Variants in CLDN10 observed in about 807,000 individuals in gnomAD.
The protein encoded by CLDN10 is claudin 10.
CLDN10 carries 15 observed loss-of-function variants against 22.9 expected under a neutral mutation model. That is an observed-to-expected ratio of 0.65 (90% CI 0.44 to 1.01). The LOEUF is 1.01. Among genes scored for constraint, CLDN10 ranks in the 50% least tolerant of loss-of-function variants. CLDN10 has a pLI of 0.00. For missense variants in CLDN10, 247 were observed against 287.8 expected, an observed-to-expected ratio of 0.86 and a Z score of 1.03; for synonymous variants, 114 against 111.4, an observed-to-expected ratio of 1.02 and a Z score of -0.15.
At chr13:95,526,767 A>G (rs995932822) in intron 1 of CLDN10, among the ~76,000 whole-genome samples, 1 of 150,854 alleles carries the variant, frequency 6.6e-6, no homozygotes, top group African/African-American at 2.4e-5. Flanking sequence ...AGCCTGGGCA[A>G]TAAGAGTGAA....
At chr13:95,504,024 G>T (rs982983323) in intron 1 of CLDN10, among the ~76,000 whole-genome samples, 3 of 152,136 alleles carry the variant, frequency 2.0e-5, no homozygotes, top group South Asian at 2.1e-4. Context: ...AAATGAAAAG[G>T]AGTAGTCATG....
intron 1 of CLDN10, among the ~76,000 whole-genome samples, chr13:95,469,498 G>GT (rs758992798): frequency 6.6e-6 from 1 of 152,198 alleles, no homozygotes; most frequent in Non-Finnish European, 1.5e-5. Context: ...GGTTACAGTG[G>GT]TACTGAACCT....
chr13:95,510,547 A>G (rs1487206557), intron 1 of CLDN10, among the ~76,000 whole-genome samples: 1 of 152,110 alleles, frequency 6.6e-6, no homozygotes, highest in East Asian at 1.9e-4. Flanking sequence ...CATAGCATTG[A>G]TTTTTGAACA....
intron 1 of CLDN10, among the ~76,000 whole-genome samples, chr13:95,443,472 G>A (rs768847479): frequency 1.3e-5 from 2 of 152,148 alleles, no homozygotes; most frequent in South Asian, 4.1e-4. Flanking sequence ...TTTTATACTC[G>A]TCGATCCCGA....
At chr13:95,496,003 A>G (rs9524982) in intron 1 of CLDN10, among the ~76,000 whole-genome samples, 64,227 of 152,046 alleles carry the variant, frequency 0.42, 14,842 homozygotes, top group Non-Finnish European at 0.51. Flanking sequence ...GTTCTCACCA[A>G]ATTTATCCCA....
In CLDN10 at chr13:95,552,977, T is replaced by G; in HGVS notation, c.220+4T>G. The G allele has an allele frequency of 6.2e-7, 1 of 1,613,466 alleles. No individual in the cohort carries two copies. Among genetic ancestry groups the G allele is most frequent in the Non-Finnish European group, 8.5e-7 (1 of 1,179,864 alleles). On this transcript the variant is annotated splice_donor_region_variant and intron_variant, in intron 1 of 4. Transcript: ENST00000299339. ...CCCTCCATGCTGGCGCTGGACGGTC[T>G]GCATCCCCGCGGCCCCCGCCCTCAG... is the stretch of plus-strand genomic sequence containing the variant.
chr13:95,467,004 G>T (rs1459112497), intron 1 of CLDN10, among the ~76,000 whole-genome samples: 1 of 149,088 alleles, frequency 6.7e-6, no homozygotes, highest in Non-Finnish European at 1.5e-5. Flanking sequence ...AGCCTCCCGA[G>T]TAGCTAGGAC....
chr13:95,567,113 T>C (rs2043797423), intron 3 of CLDN10, among the ~76,000 whole-genome samples: 1 of 152,208 alleles, frequency 6.6e-6, no homozygotes, highest in Non-Finnish European at 1.5e-5. Context: ...GGCTCTCTTT[T>C]GGTTTCATAT....
chr13:95,561,243 TG>T (rs1309411024), intron 3 of CLDN10, among the ~76,000 whole-genome samples: 2 of 152,218 alleles, frequency 1.3e-5, no homozygotes, highest in African/African-American at 4.8e-5. Flanking sequence ...TCAATGAGGC[TG>T]GTAATTTTAT....
intron 1 of CLDN10, among the ~76,000 whole-genome samples, chr13:95,538,760 C>T (rs2043428033): frequency 6.6e-6 from 1 of 152,210 alleles, no homozygotes; most frequent in African/African-American, 2.4e-5. Flanking sequence ...TAGCCAACAC[C>T]GTTGTCCTGC....
At chr13:95,545,462 G>A (rs562816873) in intron 1 of CLDN10, among the ~76,000 whole-genome samples, 22 of 152,136 alleles carry the variant, frequency 1.4e-4, no homozygotes, top group African/African-American at 4.6e-4. Flanking sequence ...GCTTGAACCC[G>A]GAAGGTGGAG....
chr13:95,557,559 G>A (rs1042429393), intron 1 of CLDN10, among the ~76,000 whole-genome samples: 7 of 152,132 alleles, frequency 4.6e-5, no homozygotes, highest in African/African-American at 1.7e-4. Context: ...GATCGTCCTT[G>A]TAAATTGCCT....
At chr13:95,438,864 C>T (rs576628621) in intron 1 of CLDN10, among the ~76,000 whole-genome samples, 53 of 151,350 alleles carry the variant, frequency 3.5e-4, no homozygotes, top group Middle Eastern at 3.4e-3. Flanking sequence ...CTGTAGTCCC[C>T]GCTCTTTGGG....
intron 1 of CLDN10, among the ~76,000 whole-genome samples, chr13:95,532,981 A>G (rs1308306476): frequency 6.6e-6 from 1 of 151,968 alleles, no homozygotes; most frequent in African/African-American, 2.4e-5. Flanking sequence ...GGGGAGTGGG[A>G]TCGACTGGGA....
chr13:95,495,614 C>T (rs144993991), intron 1 of CLDN10, among the ~76,000 whole-genome samples: 7,177 of 151,144 alleles, frequency 0.047, 275 homozygotes, highest in African/African-American at 0.11. Flanking sequence ...CATAGTGGCG[C>T]GCGCCTGTAA....
intron 1 of CLDN10, among the ~76,000 whole-genome samples, chr13:95,521,089 C>T (rs1298029730): frequency 3.8e-5 from 5 of 131,424 alleles, no homozygotes; most frequent in African/African-American, 1.5e-4. Context: ...TCTGTAGATT[C>T]TCTTGGATTT....
intron 1 of CLDN10, among the ~76,000 whole-genome samples, chr13:95,491,173 G>A (rs1233390194): frequency 6.6e-6 from 1 of 152,114 alleles, no homozygotes; most frequent in Non-Finnish European, 1.5e-5. Flanking sequence ...TCTTCTGAAG[G>A]CAACAGAGAG....
At chr13:95,489,091 C>A (rs202015817) in intron 1 of CLDN10, among the ~76,000 whole-genome samples, 1 of 151,086 alleles carries the variant, frequency 6.6e-6, no homozygotes, top group Non-Finnish European at 1.5e-5. Flanking sequence ...AGCTGGGATT[C>A]AGGCACTCAC....
upstream of CLDN10, among the ~76,000 whole-genome samples, chr13:95,551,419 T>C (rs973765945): frequency 6.6e-6 from 1 of 152,190 alleles, no homozygotes; most frequent in Admixed American, 6.5e-5. Context: ...CGTGTCCTGC[T>C]GGTCTACAGT....
Sources: gnomAD v4.1 joint callset for allele counts (sites outside exome capture counted in the v4.1 genomes callset) on GRCh38, gnomAD v4.1.1 for gene constraint, MANE v1.5 for transcripts, NCBI Gene and HGNC (gene_info 2026-07-23, HGNC 2026-07-21) for gene names.